The following WDPCP variants were observed in gnomAD, a reference collection of about 807,000 sequenced individuals.
The protein encoded by WDPCP is WD repeat containing planar cell polarity effector, also known as WD repeat-containing and planar cell polarity effector protein fritz homolog.
In WDPCP, 71 loss-of-function variants were observed where a neutral mutation model predicts 93.1. The ratio of observed to expected loss-of-function variants is 0.76; its 90% CI spans 0.63 to 0.93. The LOEUF is 0.93. WDPCP is among the 40% of genes least tolerant of loss of function. The pLI, the probability that WDPCP is intolerant of heterozygous loss-of-function variation, is 0.00. For missense variants in WDPCP, 844 were observed against 887.4 expected (o/e 0.95, Z 0.62); for synonymous variants, 315 against 315.0 (o/e 1.00, Z 0.00).
Position 63,310,505 on chromosome 2 carries a change from A to G in WDPCP, c.1812+2743T>C, listed in dbSNP as rs114787394. Among the ~76,000 whole-genome samples, 784 of 152,236 alleles carry G rather than the reference A, an allele frequency of 5.1e-3. 8 individuals carry two copies. The highest frequency in any genetic ancestry group is 0.018 in the African/African-American group (766 of 41,540). On this transcript the variant is annotated intron_variant, in intron 13 of 17. Coordinates refer to ENST00000272321, the MANE Select transcript of WDPCP (RefSeq NM_015910.7). ...TGCCATCCAAGTCTAACCCAAGCTA[A>G]GAATGGTTTTTGGAAAAAAAAAAAT... is the stretch of plus-strand genomic sequence containing the variant.
rs1254203329 is a variant in WDPCP, at chr2:63,237,358, G to A, written c.1915+21949C>T. 2.6e-5 allele frequency among the ~76,000 whole-genome samples: 4 copies of A among 152,078 alleles called. No homozygotes were observed. The South Asian group carries it at 6.2e-4, about 24-fold the overall frequency. ...ATGTTGGCAAGGCTACAGAGAAAAG[G>A]GAATGCTTATACACTGTTGGTGGGA... On this transcript the variant is annotated intron_variant, in intron 14 of 17. Transcript: ENST00000272321.
chr2:63,764,475 C>A (rs1670109765), intron 2 of WDPCP, among the ~76,000 whole-genome samples: 1 of 151,918 alleles, frequency 6.6e-6, no homozygotes, highest in African/African-American at 2.4e-5. Flanking sequence ...TCCTGGAAGA[C>A]CAAAATGTCA....
Position 63,815,870 on chromosome 2 carries a change from T to TTTG in WDPCP, n.223-2166_223-2164dup, listed in dbSNP as rs145808216. ...CACAATGGAGTCAAACTGTCTTTGTTTTGTTGTTGTTGTTGTTTATTTTTT... is the reference window on the plus strand; with the variant it reads ...CACAATGGAGTCAAACTGTCTTTGTTTTGTTGTTGTTGTTGTTGTTTATTTTTT... On this transcript the variant is annotated intron_variant and non_coding_transcript_variant, in intron 1 of 4. Coordinates refer to the WDPCP transcript ENST00000467687. 1.9e-3 allele frequency among the ~76,000 whole-genome samples: 294 copies of TTTG among 151,420 alleles called. 1 individual carries two copies. The highest frequency in any genetic ancestry group is 3.6e-3 in the South Asian group (17 of 4,730).
chr2:63,529,465 G>C (rs1703641015), intron 1 of WDPCP, among the ~76,000 whole-genome samples: 1 of 152,178 alleles, frequency 6.6e-6, no homozygotes, highest in South Asian at 2.1e-4. Flanking sequence ...TGCATCTATT[G>C]AGATAATCAT....
At chr2:63,435,340 C>G (rs1434065900) in intron 8 of WDPCP, among the ~76,000 whole-genome samples, 1 of 152,172 alleles carries the variant, frequency 6.6e-6, no homozygotes, top group Non-Finnish European at 1.5e-5. Context: ...CTCTATACCA[C>G]TTCCTTGTTT....
chr2:63,291,057 AATATTTTTGTTTTCTTTAGAC>A (rs1261490752), intron 13 of WDPCP, among the ~76,000 whole-genome samples: 5 of 152,018 alleles, frequency 3.3e-5, no homozygotes, highest in Non-Finnish European at 7.4e-5. Context: ...CATTTTTTGA[AATATTTTTGTTTTCTTTAGAC>A]TGGATACTTT....
At chr2:63,562,965 G>A (rs1706742806) in intron 1 of WDPCP, among the ~76,000 whole-genome samples, 2 of 152,136 alleles carry the variant, frequency 1.3e-5, no homozygotes, top group African/African-American at 2.4e-5. Flanking sequence ...GTGGACACTA[G>A]TGTGCTCACT....
intron 12 of WDPCP, among the ~76,000 whole-genome samples, chr2:63,326,878 A>C (rs1687598345): frequency 6.6e-6 from 1 of 152,202 alleles, no homozygotes; most frequent in African/African-American, 2.4e-5. Flanking sequence ...GTAAATTTAA[A>C]ACCTCTAATT....
chr2:63,484,725 A>C, intron 5 of WDPCP, 62 bp from the exon 6 acceptor site: 1 of 1,602,910 alleles, frequency 6.2e-7, no homozygotes, highest in Non-Finnish European at 8.5e-7. Flanking sequence ...TATCAGTTAA[A>C]GTGCCTCTGA....
intron 12 of WDPCP, among the ~76,000 whole-genome samples, chr2:63,366,961 T>A (rs905263873): frequency 1.3e-5 from 2 of 152,004 alleles, no homozygotes; most frequent in African/African-American, 4.8e-5. Context: ...CATAGTAGAA[T>A]GTGAGGTTTA....
intron 6 of WDPCP, among the ~76,000 whole-genome samples, chr2:63,457,571 A>G (rs1453151723): frequency 2.0e-5 from 3 of 152,170 alleles, no homozygotes; most frequent in Non-Finnish European, 4.4e-5. Flanking sequence ...ATACTAACAA[A>G]CCAAATCCAA....
At chr2:63,817,093 T>C (rs1670942808) in intron 1 of WDPCP, among the ~76,000 whole-genome samples, 1 of 151,154 alleles carries the variant, frequency 6.6e-6, no homozygotes, top group Non-Finnish European at 1.5e-5. Context: ...CATCAGACAC[T>C]GCACTCAAGA....
intron 14 of WDPCP, among the ~76,000 whole-genome samples, chr2:63,186,966 T>G (rs1017068168): frequency 6.6e-6 from 1 of 152,272 alleles, no homozygotes; most frequent in Admixed American, 6.5e-5. Flanking sequence ...GCTATTGAAA[T>G]CTCCTACTAT....
intron 12 of WDPCP, among the ~76,000 whole-genome samples, chr2:63,372,796 C>G (rs1369454242): frequency 6.6e-6 from 1 of 152,082 alleles, no homozygotes; most frequent in Non-Finnish European, 1.5e-5. Flanking sequence ...GTAATCTCTA[C>G]TAATGATTTT....
chr2:63,439,393 T>TA (rs1222791435), intron 7 of WDPCP, among the ~76,000 whole-genome samples: 2 of 152,122 alleles, frequency 1.3e-5, no homozygotes, highest in Admixed American at 1.3e-4. Flanking sequence ...GTTGTGTTGA[T>TA]ATATTTGTGT....
intron 14 of WDPCP, among the ~76,000 whole-genome samples, chr2:63,248,187 A>G (rs1000690464): frequency 1.3e-5 from 2 of 152,196 alleles, no homozygotes; most frequent in African/African-American, 4.8e-5. Flanking sequence ...AACTAAAATT[A>G]TAATAATACT....
rs1278559348 is a variant in WDPCP at position 63,391,212 on chromosome 2, C to T, written c.1436-9118G>A. Among the ~76,000 whole-genome samples the T allele has an allele frequency of 2.6e-5, 4 of 152,210 alleles. No homozygotes were observed. The East Asian group carries it at 7.7e-4, about 29-fold the overall frequency. On this transcript the variant is annotated intron_variant, in intron 10 of 17. Coordinates refer to ENST00000272321, the MANE Select transcript of WDPCP (RefSeq NM_015910.7). ...TCCACCACGATCAAGTTGGCTTCAT[C>T]CCTGGGATGCAAGGCTGATTAAACA...
chr2:63,358,608 C>T (rs1690198998), intron 12 of WDPCP, among the ~76,000 whole-genome samples: 1 of 152,108 alleles, frequency 6.6e-6, no homozygotes, highest in East Asian at 1.9e-4. Flanking sequence ...AGGTGTGCAC[C>T]ATCACACCTG....
intron 14 of WDPCP, among the ~76,000 whole-genome samples, chr2:63,218,353 TA>T (rs1245567244): frequency 6.6e-6 from 1 of 152,172 alleles, no homozygotes; most frequent in East Asian, 1.9e-4. Flanking sequence ...GCACTATTAA[TA>T]AAAGTCAAAC....
Sources: gnomAD v4.1 joint callset for allele counts (sites outside exome capture counted in the v4.1 genomes callset) on GRCh38, gnomAD v4.1.1 for gene constraint, MANE v1.5 for transcripts, NCBI Gene and HGNC (gene_info 2026-07-23, HGNC 2026-07-21) for gene names.